FLT1: variants seen among roughly 807,000 people sequenced by gnomAD.
FLT1 encodes the protein fms related receptor tyrosine kinase 1.
In FLT1, 49 loss-of-function variants were observed where a neutral mutation model predicts 156.3. That is an observed-to-expected ratio of 0.31 (90% CI 0.25 to 0.40). FLT1 has a LOEUF of 0.40. Ranked by LOEUF, FLT1 falls within the 10% of genes least tolerant of loss-of-function variation. The probability of loss-of-function intolerance (pLI) is 1.00; values close to 1 mark genes in which losing one functional copy is unlikely to be tolerated. For missense variants in FLT1, 1,322 were observed against 1,637.2 expected, an observed-to-expected ratio of 0.81 and a Z score of 3.32; for synonymous variants, 594 against 583.8, an observed-to-expected ratio of 1.02 and a Z score of -0.25.
intron 13 of FLT1, among the ~76,000 whole-genome samples, chr13:28,385,338 T>G (rs547253539): frequency 6.6e-6 from 1 of 152,328 alleles, no homozygotes; most frequent in South Asian, 2.1e-4. Flanking sequence ...TTTCTAAAAC[T>G]CAAGGATTTT....
At chr13:28,315,937 C>G (rs1270063028) in intron 25 of FLT1, among the ~76,000 whole-genome samples, 1 of 152,224 alleles carries the variant, frequency 6.6e-6, no homozygotes, top group African/African-American at 2.4e-5. Context: ...AGTTTCATTA[C>G]TTGCTAAATT....
intron 3 of FLT1, among the ~76,000 whole-genome samples, chr13:28,457,301 C>A (rs989930621): frequency 6.6e-6 from 1 of 152,172 alleles, no homozygotes; most frequent in Admixed American, 6.5e-5. Context: ...TGGCACCCAG[C>A]ATGGATTAAG....
intron 11 of FLT1, among the ~76,000 whole-genome samples, chr13:28,399,565 C>A (rs1413126536): frequency 6.6e-6 from 1 of 152,062 alleles, no homozygotes; most frequent in African/African-American, 2.4e-5. Flanking sequence ...GTGTAGGTAA[C>A]CTGGGAATGG....
rs186921701 is a variant in FLT1, at chr13:28,365,731, G to A, written c.2117-8046C>T. On this transcript the variant is annotated intron_variant, in intron 14 of 29. Coordinates refer to ENST00000282397, the MANE Select transcript of FLT1 (RefSeq NM_002019.4). ...GTAGGCCTGCTTGCTTGCTTCTAAA[G>A]GATAGCCTAAGTCATTACCATGTGC... Among the ~76,000 whole-genome samples the A allele has an allele frequency of 4.1e-3, 622 of 152,266 alleles. 4 individuals are homozygous for A. Among genetic ancestry groups the A allele is most frequent in the African/African-American group, 0.014 (600 of 41,546 alleles).
intron 3 of FLT1, among the ~76,000 whole-genome samples, chr13:28,442,747 A>G (rs1878404538): frequency 6.7e-6 from 1 of 149,508 alleles, no homozygotes; most frequent in South Asian, 2.1e-4. Flanking sequence ...CACACGAACA[A>G]TACTCTCTGG....
rs1360791490 is a variant in FLT1, at chr13:28,387,700, C to CT, written c.1969+2095dup. 2,118 of 928,164 alleles carry CT rather than the reference C, an allele frequency of 2.3e-3. 2 individuals are homozygous for CT. Among genetic ancestry groups the CT allele is most frequent in the South Asian group, 6.3e-3 (122 of 19,406 alleles). 57.5% of individuals were successfully genotyped at this position (928,164 alleles called of 1,614,324 possible). On this transcript the variant is annotated intron_variant, in intron 13 of 29. Transcript: ENST00000282397. ...ATTCCCCATTTTAGGCTCCTTTTTT[C>CT]TCCTTTTTTTTTTCTCCCCCCTCCG...
chr13:28,334,555 A>C (rs1020144707), intron 17 of FLT1, among the ~76,000 whole-genome samples: 1 of 152,318 alleles, frequency 6.6e-6, no homozygotes, highest in African/African-American at 2.4e-5. Context: ...GCAAAAAGGG[A>C]GAAATAGAAA....
chr13:28,481,474 CACACACACAT>C lies in FLT1; in HGVS notation c.64+13296_64+13305del, dbSNP rs972985280. Among the ~76,000 whole-genome samples, 7 of 152,016 alleles carry C rather than the reference CACACACACAT, an allele frequency of 4.6e-5. No homozygotes were observed. The East Asian group carries it at 9.7e-4, about 21-fold the overall frequency. On this transcript the variant is annotated intron_variant, in intron 1 of 29. Coordinates refer to ENST00000282397, the MANE Select transcript of FLT1 (RefSeq NM_002019.4). ...ACACACACACACACACACACACACACACACACACATACACGTACTTAGAAGGTGAACCAAT... is the reference window on the plus strand; with the variant it reads ...ACACACACACACACACACACACACACACACGTACTTAGAAGGTGAACCAAT...
At chr13:28,473,582 T>C (rs1017997812) in intron 1 of FLT1, among the ~76,000 whole-genome samples, 1 of 149,680 alleles carries the variant, frequency 6.7e-6, no homozygotes, top group African/African-American at 2.5e-5. Flanking sequence ...GAGGCGGAGA[T>C]TGCAGTGAGC....
At chr13:28,315,375 A>C (rs1474810541) in intron 25 of FLT1, among the ~76,000 whole-genome samples, 1 of 152,124 alleles carries the variant, frequency 6.6e-6, no homozygotes, top group Non-Finnish European at 1.5e-5. Context: ...GCCAACATGG[A>C]GAAACCCCAT....
At chr13:28,449,315 T>G in intron 3 of FLT1, among the ~76,000 whole-genome samples, 1 of 152,136 alleles carries the variant, frequency 6.6e-6, no homozygotes, top group East Asian at 1.9e-4. Flanking sequence ...CAGTCCCTGG[T>G]GGGCAGGTGG....
At chr13:28,357,713 TG>T in intron 14 of FLT1, 28 bp from the exon 15 acceptor site, 1 of 1,610,496 alleles carries the variant, frequency 6.2e-7, no homozygotes, top group Non-Finnish European at 8.5e-7. Flanking sequence ...TTTAGATTAG[TG>T]GGCCTGGATG....
At chr13:28,414,686 C>T (rs768318453) in intron 10 of FLT1, among the ~76,000 whole-genome samples, 2 of 152,136 alleles carry the variant, frequency 1.3e-5, no homozygotes, top group Non-Finnish European at 2.9e-5. Flanking sequence ...TGGTGCCTGG[C>T]CCAATCACTT....
chr13:28,355,778 C>A (rs1872876980), intron 15 of FLT1, among the ~76,000 whole-genome samples: 1 of 152,172 alleles, frequency 6.6e-6, no homozygotes, highest in South Asian at 2.1e-4. Flanking sequence ...GCTGATCTGG[C>A]CTGGAGCAGT....
intron 2 of FLT1, 53 bp downstream of exon 2, chr13:28,467,468 T>C (rs1879914533): frequency 8.4e-7 from 1 of 1,192,198 alleles, no homozygotes; most frequent in Admixed American, 1.9e-5. Context: ...CAGGGAATGA[T>C]TTTGCCTTAG....
intron 1 of FLT1, among the ~76,000 whole-genome samples, chr13:28,488,138 C>G (rs1881269143): frequency 6.6e-6 from 1 of 152,052 alleles, no homozygotes; most frequent in Admixed American, 6.5e-5. Context: ...TGGCTTACGC[C>G]TGTAATCTCA....
chr13:28,473,147 C>A (rs1306474324), intron 1 of FLT1, among the ~76,000 whole-genome samples: 3 of 152,072 alleles, frequency 2.0e-5, no homozygotes, highest in Admixed American at 6.5e-5. Context: ...TCTTACATCG[C>A]AGGTAGGACT....
At chr13:28,387,707 T>G (rs1322161716) in intron 13 of FLT1, 1 of 1,057,980 alleles carries the variant, frequency 9.5e-7, no homozygotes, top group Non-Finnish European at 1.1e-6. Context: ...TTTCTCCTTT[T>G]TTTTTTCTCC....
chr13:28,409,055 G>C (rs1875983198), intron 10 of FLT1, among the ~76,000 whole-genome samples: 1 of 152,208 alleles, frequency 6.6e-6, no homozygotes, highest in Non-Finnish European at 1.5e-5. Flanking sequence ...CCTCATGTGT[G>C]ATATGTCAGC....
Sources: gnomAD v4.1 joint callset for allele counts (sites outside exome capture counted in the v4.1 genomes callset) on GRCh38, gnomAD v4.1.1 for gene constraint, MANE v1.5 for transcripts, NCBI Gene and HGNC (gene_info 2026-07-23, HGNC 2026-07-21) for gene names.